FASTKD5: variants seen among roughly 807,000 people sequenced by gnomAD.
FASTKD5 encodes the protein FAST kinase domains 5.
FASTKD5 carries 30 observed loss-of-function variants against 44.0 expected under a neutral mutation model. The ratio of observed to expected loss-of-function variants is 0.68; its 90% CI spans 0.51 to 0.93. The LOEUF (loss-of-function observed/expected upper bound fraction) is 0.93. Among genes scored for constraint, FASTKD5 ranks in the 40% least tolerant of loss-of-function variants. FASTKD5 has a pLI of 0.00. For missense variants in FASTKD5, 868 were observed against 908.2 expected (o/e 0.96, Z 0.57); for synonymous variants, 335 against 342.2 (o/e 0.98, Z 0.23).
Position 3,148,009 on chromosome 20 carries a change from G to A in FASTKD5, c.1062C>T (p.Arg354=). 5 of 1,614,194 alleles carry A rather than the reference G, an allele frequency of 3.1e-6. No individual in the cohort carries two copies. The Admixed American group carries it at 8.3e-5, about 27-fold the overall frequency. ...ACANIQHLSS[R]SLVNIVKMFR... is the part of the protein sequence containing the mutation. The stretch of plus-strand genomic sequence containing the variant: ...ACATTTTAACAATATTCACTAAGGA[G>A]CGACTACTCAGATGCTGAATGTTAG... The change falls in exon 2 of 2, where the codon CGC becomes CGT. Residue 354 remains arginine (R), a synonymous_variant. Transcript: ENST00000380266.
intron 1 of FASTKD5, among the ~76,000 whole-genome samples, chr20:3,155,052 C>CAAAAAAAAA (rs11326176): frequency 2.1e-5 from 2 of 96,082 alleles, no homozygotes; most frequent in Admixed American, 1.2e-4. Flanking sequence ...GACACAGTCT[C>CAAAAAAAAA]AAAAAAAAAA....
chr20:3,158,725 T>C (rs1481397568), intron 1 of FASTKD5, among the ~76,000 whole-genome samples: 3 of 151,832 alleles, frequency 2.0e-5, no homozygotes, highest in Non-Finnish European at 2.9e-5. Flanking sequence ...CCGCCCGCCT[T>C]GACCTCCCAA....
At position 3,148,408 on chromosome 20, in the gene FASTKD5, G is replaced by A; in HGVS notation, c.663C>T (p.Ser221=). The A allele has an allele frequency of 6.2e-7, 1 of 1,614,096 alleles. No individual in the cohort carries two copies. Among genetic ancestry groups the A allele is most frequent in the Non-Finnish European group, 8.5e-7 (1 of 1,179,996 alleles). Residue 221 remains serine (S), a synonymous_variant, in exon 2 of 2, where the codon TCC becomes TCT. Transcript: ENST00000380266. ...TCTCATACACATCTAGCATTGAATG[G>A]GAGTGAGGGATTCCTAAAATGACAA... ...KAFVILGIPH[S]HSMLDVYETK... is the part of the protein sequence containing the mutation.
intron 1 of FASTKD5, among the ~76,000 whole-genome samples, chr20:3,158,822 G>A (rs1009065297): frequency 6.6e-6 from 1 of 152,200 alleles, no homozygotes; most frequent in Non-Finnish European, 1.5e-5. Flanking sequence ...CCAAGGACTT[G>A]CCCAGGACCA....
chr20:3,147,794 C>T lies in FASTKD5; in HGVS notation c.1277G>A (p.Arg426Gln), dbSNP rs780923980. 9 of 1,614,056 alleles carry T rather than the reference C, an allele frequency of 5.6e-6. No individual in the cohort carries two copies. The highest frequency in any genetic ancestry group is 2.2e-5 in the East Asian group (1 of 44,892). Residue 426 changes from arginine (R) to glutamine (Q), a missense_variant, in exon 2 of 2, where the codon CGA (arginine) becomes CAA (glutamine). Transcript: ENST00000380266. ...ASLPPRVAHC[R>Q]SKDVAKILWS... ...CAGAATCTTGGCAACATCTTTACTTCGACAGTGTGCCACTCTAGGAGGCAA... is the reference window on the plus strand; with the variant it reads ...CAGAATCTTGGCAACATCTTTACTTTGACAGTGTGCCACTCTAGGAGGCAA...
rs752140912 is a variant in FASTKD5, at chr20:3,147,623, T to C, written c.1448A>G (p.Glu483Gly). 1.1e-5 allele frequency: 17 copies of C among 1,614,076 alleles called. No individual in the cohort carries two copies. In the South Asian group the frequency reaches 1.3e-4, roughly 13 times the overall value. The change falls in exon 2 of 2, where the codon GAG (glutamate) becomes GGG (glycine). Residue 483 changes from glutamate to glycine, a missense_variant. Physicochemically the swap from Glu to Gly is moderately conservative, Grantham distance 98. Coordinates refer to ENST00000380266, the MANE Select transcript of FASTKD5 (RefSeq NM_021826.5). ...PTCLLGLAFL[E>G]YFPVELIDFA... is the part of the protein sequence containing the mutation. ...ATCAATTAACTCTACTGGAAAGTAC[T>C]CCAAAAATGCCAGGCCCAGCAGGCA... is the stretch of plus-strand genomic sequence containing the variant.
Position 3,147,070 on chromosome 20 carries a change from GC to G in FASTKD5, c.2000del (p.Gly667AlafsTer6), listed in dbSNP as rs1233549844. 2.5e-6 allele frequency: 4 copies of G among 1,614,164 alleles called. No homozygotes were observed. Among genetic ancestry groups the G allele is most frequent in the East Asian group, 2.2e-5 (1 of 44,896 alleles). On this transcript the variant is annotated frameshift_variant, in exon 2 of 2. Coordinates refer to ENST00000380266, the MANE Select transcript of FASTKD5 (RefSeq NM_021826.5). LOFTEE classifies it high-confidence loss of function. ...ATTTATCTGCTACATTGCAAAGGAA[GC>G]CCCCCAGAGGTACAGCTGCCTTATT... ...LENKAAVPLG[G>X]FLCNVADKSG...
At chr20:3,155,911 T>C (rs1275345393) in intron 1 of FASTKD5, among the ~76,000 whole-genome samples, 2 of 152,200 alleles carry the variant, frequency 1.3e-5, no homozygotes, top group African/African-American at 4.8e-5. Context: ...AAACTGTATC[T>C]ACATACACAG....
chr20:3,148,929 T>C lies in FASTKD5; in HGVS notation c.142A>G (p.Ser48Gly), dbSNP rs2066597002. Residue 48 changes from serine to glycine, a missense_variant, in exon 2 of 2, where the codon AGC becomes GGC. Transcript: ENST00000380266. The stretch of plus-strand genomic sequence containing the variant: ...ACTTTTTTGGCAGAATGGCAGAGGC[T>C]AATGTGTTCTGGAGGGTCCTGTCCC... Reference protein sequence around the residue: ...HGGQDPPEHISLCHSAKKVKN... With the variant: ...HGGQDPPEHIGLCHSAKKVKN... 3 of 1,614,204 alleles carry C rather than the reference T, an allele frequency of 1.9e-6. No homozygotes were observed. Among genetic ancestry groups the C allele is most frequent in the Non-Finnish European group, 2.5e-6 (3 of 1,180,032 alleles).
chr20:3,157,301 C>G (rs1343392021), intron 1 of FASTKD5, among the ~76,000 whole-genome samples: 6 of 152,172 alleles, frequency 3.9e-5, no homozygotes, highest in Admixed American at 3.9e-4. Context: ...TCTACCAGTA[C>G]TGCGAAGGTG....
chr20:3,157,690 TC>T (rs1414277124), intron 1 of FASTKD5, among the ~76,000 whole-genome samples: 1 of 152,166 alleles, frequency 6.6e-6, no homozygotes, highest in East Asian at 1.9e-4. Flanking sequence ...AAATGGGGCT[TC>T]TAGAGGAATT....
Position 3,149,311 on chromosome 20 carries a change from CA to C in FASTKD5, c.-190-52del. ...AGTGGCTTCTACCTATAAAAGCATCCAAATTTACACATTATAAAAAACAGGT... is the reference window on the plus strand; with the variant it reads ...AGTGGCTTCTACCTATAAAAGCATCCAATTTACACATTATAAAAAACAGGT... On this transcript the variant is annotated intron_variant, in intron 1 of 1. Transcript: ENST00000380266. This position sits in a 1 kb window ranked among gnomAD's most constrained non-coding sequence, Gnocchi z 4.1. 2.0e-6 allele frequency: 1 copy of C among 507,454 alleles called. No homozygotes were observed. The allele number at this position is 507,454 out of a possible 1,614,324, so 31.4% of individuals were successfully genotyped here. A position where few individuals can be genotyped will look rare whatever the true frequency, so the allele number is the denominator to read the frequency against.
intron 1 of FASTKD5, among the ~76,000 whole-genome samples, chr20:3,152,100 CAAAAAAAAAAA>C: frequency 1.6e-5 from 1 of 62,886 alleles, no homozygotes; most frequent in African/African-American, 5.1e-5. Flanking sequence ...GACTCTGTCT[CAAAAAAAAAAA>C]AAAAAAAAAA....
intron 1 of FASTKD5, among the ~76,000 whole-genome samples, chr20:3,154,016 A>G (rs929022405): frequency 3.3e-5 from 5 of 152,224 alleles, no homozygotes; most frequent in African/African-American, 1.2e-4. Flanking sequence ...GAAGACCTCA[A>G]AGGCTGAAAT....
At position 3,149,148 on chromosome 20, in the gene FASTKD5, G is replaced by A; in HGVS notation, c.-78C>T. 1 of 1,489,494 alleles carries A rather than the reference G, an allele frequency of 6.7e-7. No homozygotes were observed. The highest frequency in any genetic ancestry group is 9.0e-7 in the Non-Finnish European group (1 of 1,105,680). The allele number at this position is 1,489,494 out of a possible 1,614,324, so 92.3% of individuals were successfully genotyped here. On this transcript the variant is annotated 5_prime_UTR_variant, in exon 2 of 2. Transcript: ENST00000380266. This position sits in a 1 kb window ranked among gnomAD's most constrained non-coding sequence, Gnocchi z 4.1. ...TGACCAGGCAATTTCTTGTTTATAT[G>A]GTGCTTGATTAGAGCTGGACGGGGA... is the stretch of plus-strand genomic sequence containing the variant.
chr20:3,146,614 T>C lies in FASTKD5; in HGVS notation c.*162A>G. On this transcript the variant is annotated 3_prime_UTR_variant, in exon 2 of 2. Coordinates refer to ENST00000380266, the MANE Select transcript of FASTKD5 (RefSeq NM_021826.5). ...TTGTACAATCCAACTACATTACAATTCACAGTAACATACACTAGCTCTAAC... is the reference window on the plus strand; with the variant it reads ...TTGTACAATCCAACTACATTACAATCCACAGTAACATACACTAGCTCTAAC... 4.0e-6 allele frequency: 3 copies of C among 741,446 alleles called. No individual in the cohort carries two copies. In the South Asian group the frequency reaches 5.6e-5, roughly 14 times the overall value. The allele number at this position is 741,446 out of a possible 1,614,324, so 45.9% of individuals were successfully genotyped here. A position where few individuals can be genotyped will look rare whatever the true frequency, so the allele number is the denominator to read the frequency against.
At chr20:3,158,097 C>A (rs1163804685) in intron 1 of FASTKD5, among the ~76,000 whole-genome samples, 1 of 152,044 alleles carries the variant, frequency 6.6e-6, no homozygotes, top group Non-Finnish European at 1.5e-5. Context: ...CCCACCACCA[C>A]GCCTGGCTAC....
At chr20:3,151,490 T>C (rs1331004214) in intron 1 of FASTKD5, among the ~76,000 whole-genome samples, 2 of 152,168 alleles carry the variant, frequency 1.3e-5, no homozygotes, top group African/African-American at 4.8e-5. Context: ...TAAATGCAGA[T>C]AGCCAGCTTT....
chr20:3,148,099 C>G lies in FASTKD5; in HGVS notation c.972G>C (p.Gly324=). 6.2e-7 allele frequency: 1 copy of G among 1,614,036 alleles called. No individual in the cohort carries two copies. Among genetic ancestry groups the G allele is most frequent in the African/African-American group, 1.3e-5 (1 of 75,018 alleles). ...NLEEVGTICL[G]FFKSSTNLSE... ...AGAGATTAGTACTTGATTTAAAGAA[C>G]CCCAAACAGATGGTACCAACCTCCT... The change falls in exon 2 of 2, where the codon GGG becomes GGC. Residue 324 remains glycine (G), a synonymous_variant. Coordinates refer to ENST00000380266, the MANE Select transcript of FASTKD5 (RefSeq NM_021826.5).
Sources: allele counts gnomAD v4.1 joint callset (sites outside exome capture counted in the v4.1 genomes callset), GRCh38; gene constraint gnomAD v4.1.1; non-coding constraint Gnocchi (gnomAD v3.1); transcripts MANE v1.5; gene names NCBI Gene and HGNC (gene_info 2026-07-23, HGNC 2026-07-21).